Variants in SYT14 observed in about 807,000 individuals in gnomAD.
SYT14 encodes synaptotagmin-14.
In SYT14, 32 loss-of-function variants were observed where a neutral mutation model predicts 74.2. The observed-to-expected ratio is 0.43, with a 90% CI of 0.33 to 0.58. SYT14 has a LOEUF of 0.58. SYT14 is among the 20% of genes least tolerant of loss of function. SYT14 has a pLI of 0.05. For missense variants in SYT14, 791 were observed against 981.8 expected (o/e 0.81, Z 2.60); for synonymous variants, 298 against 337.7 (o/e 0.88, Z 1.29).
intron 2 of SYT14, among the ~76,000 whole-genome samples, chr1:210,007,886 TATC>T (rs765033345): frequency 3.9e-5 from 6 of 152,168 alleles, no homozygotes; most frequent in Admixed American, 1.3e-4. Context: ...TTATAGTACT[TATC>T]ATAAATTGTC....
chr1:209,973,022 G>A (rs1375397452), intron 2 of SYT14, among the ~76,000 whole-genome samples: 1 of 152,134 alleles, frequency 6.6e-6, no homozygotes, highest in African/African-American at 2.4e-5. Context: ...GAATCTGAGT[G>A]CCTCAGTGTT....
At chr1:210,040,515 T>A (rs540231143) in intron 5 of SYT14, among the ~76,000 whole-genome samples, 60 of 144,800 alleles carry the variant, frequency 4.1e-4, no homozygotes, top group East Asian at 2.0e-3. Context: ...AAGTGTAATT[T>A]AAAAAAAAAA....
At chr1:210,076,352 A>C (rs1280906503) in intron 5 of SYT14, among the ~76,000 whole-genome samples, 1 of 152,208 alleles carries the variant, frequency 6.6e-6, no homozygotes, top group Non-Finnish European at 1.5e-5. Context: ...ATAATTCAAG[A>C]GTTTTACAAC....
chr1:210,128,739 T>A (rs1399793315), intron 7 of SYT14, among the ~76,000 whole-genome samples: 1 of 152,142 alleles, frequency 6.6e-6, no homozygotes, highest in Non-Finnish European at 1.5e-5. Context: ...CAACACTAGA[T>A]CCACTAAATC....
chr1:210,072,626 G>T (rs766962455), intron 5 of SYT14, among the ~76,000 whole-genome samples: 2 of 151,974 alleles, frequency 1.3e-5, no homozygotes, highest in Non-Finnish European at 2.9e-5. Flanking sequence ...GTTTCATACT[G>T]ATACAAATAT....
At chr1:210,059,427 A>AATATATATATATATATAT (rs374307953) in intron 5 of SYT14, among the ~76,000 whole-genome samples, 35 of 80,010 alleles carry the variant, frequency 4.4e-4, no homozygotes, top group Non-Finnish European at 5.0e-4. Context: ...GACAAGAAAG[A>AATATATATATATATATAT]ATATATATAT....
intron 8 of SYT14, among the ~76,000 whole-genome samples, chr1:210,157,842 C>T (rs1460783018): frequency 6.6e-6 from 1 of 151,848 alleles, no homozygotes; most frequent in African/African-American, 2.4e-5. Flanking sequence ...TTCTAGTTGT[C>T]GTAAAAATTA....
At chr1:210,067,718 T>G (rs1461861272) in intron 5 of SYT14, among the ~76,000 whole-genome samples, 1 of 151,968 alleles carries the variant, frequency 6.6e-6, no homozygotes, top group Non-Finnish European at 1.5e-5. Context: ...ATTTGCTAGA[T>G]TTTTGCATTT....
chr1:210,123,015 A>T (rs568974067), intron 7 of SYT14, among the ~76,000 whole-genome samples: 1 of 152,332 alleles, frequency 6.6e-6, no homozygotes, highest in South Asian at 2.1e-4. Context: ...CAAGTGTTTA[A>T]TTTATAAAAA....
intron 7 of SYT14, among the ~76,000 whole-genome samples, chr1:210,149,180 A>ATTTTTT (rs34134939): frequency 3.7e-5 from 4 of 108,498 alleles, no homozygotes; most frequent in Admixed American, 1.1e-4. Context: ...TATAGCAGGA[A>ATTTTTT]TTTTTTTTTT....
chr1:209,958,212 A>G (rs7530426), intron 2 of SYT14, among the ~76,000 whole-genome samples: 99,886 of 151,938 alleles, frequency 0.66, 33,814 homozygotes, highest in East Asian at 0.85. Context: ...TACCTCTGTC[A>G]AGTTTTTATC....
At chr1:210,161,783 C>T (rs2083377503) in exon 10 of SYT14, 1 of 453,760 alleles carries the variant, frequency 2.2e-6, no homozygotes, top group Non-Finnish European at 4.4e-6. Flanking sequence ...ACAGGTTGTA[C>T]TGTAGAACTA....
intron 5 of SYT14, among the ~76,000 whole-genome samples, chr1:210,061,877 A>C (rs940929579): frequency 6.6e-6 from 1 of 151,808 alleles, no homozygotes; most frequent in Admixed American, 6.6e-5. Flanking sequence ...TTTGAATCTT[A>C]TTCAGCTTTG....
rs569176689 is a variant in SYT14, at chr1:210,126,010, C to T, written c.2034+25549C>T. Among the ~76,000 whole-genome samples, 12 of 152,230 alleles carry T rather than the reference C, an allele frequency of 7.9e-5. No homozygotes were observed. The East Asian group carries it at 2.3e-3, about 29-fold the overall frequency. ...AGGAGGTCAGGAGATCGAGATCATCCTGGCCAACATGGTGAAACCCCATCT... is the reference window on the plus strand; with the variant it reads ...AGGAGGTCAGGAGATCGAGATCATCTTGGCCAACATGGTGAAACCCCATCT... On this transcript the variant is annotated intron_variant, in intron 7 of 9. Coordinates refer to ENST00000637265, the Ensembl canonical transcript of SYT14.
intron 5 of SYT14, among the ~76,000 whole-genome samples, chr1:210,072,981 T>TA (rs1407267794): frequency 6.8e-6 from 1 of 146,852 alleles, no homozygotes; most frequent in Non-Finnish European, 1.5e-5. Context: ...CAAAATTCTT[T>TA]AAAGATTTCC....
intron 2 of SYT14, among the ~76,000 whole-genome samples, chr1:209,956,241 G>T (rs2078989576): frequency 2.0e-5 from 3 of 151,752 alleles, no homozygotes; most frequent in Admixed American, 2.0e-4. Flanking sequence ...TCAATATATT[G>T]TATTACTCAA....
chr1:209,958,466 C>T (rs1395981615), intron 2 of SYT14, among the ~76,000 whole-genome samples: 1 of 151,682 alleles, frequency 6.6e-6, no homozygotes, highest in African/African-American at 2.4e-5. Context: ...CATTGAATCT[C>T]TAGATCTATG....
chr1:209,942,131 A>C (rs968892263), intron 1 of SYT14, among the ~76,000 whole-genome samples: 1 of 152,160 alleles, frequency 6.6e-6, no homozygotes, highest in Non-Finnish European at 1.5e-5. Flanking sequence ...TATGATCTCA[A>C]GCCAAGTTTC....
chr1:210,011,957 G>A (rs895018010), intron 2 of SYT14, among the ~76,000 whole-genome samples: 8 of 152,102 alleles, frequency 5.3e-5, no homozygotes, highest in South Asian at 4.1e-4. Context: ...AGAGACTGCC[G>A]AGGACTGGAG....
Sources: allele counts gnomAD v4.1 joint callset (sites outside exome capture counted in the v4.1 genomes callset), GRCh38; gene constraint gnomAD v4.1.1; transcripts MANE v1.5; gene names NCBI Gene and HGNC (gene_info 2026-07-23, HGNC 2026-07-21).